The following NKAIN2 variants were observed in gnomAD, a reference collection of about 807,000 sequenced individuals.
NKAIN2 encodes sodium/potassium transporting ATPase interacting 2.
In NKAIN2, 14 loss-of-function variants were observed where a neutral mutation model predicts 32.6. The observed-to-expected ratio is 0.43, with a 90% CI of 0.28 to 0.67. The LOEUF (loss-of-function observed/expected upper bound fraction) is 0.67. Among genes scored for constraint, NKAIN2 ranks in the 30% least tolerant of loss-of-function variants. The pLI is 0.17. For synonymous variants in NKAIN2, 80 were observed against 87.2 expected (o/e 0.92, Z 0.46); for missense variants, 198 against 258.3 (o/e 0.77, Z 1.60).
At chr6:124,169,423 T>G (rs1341190371) in intron 1 of NKAIN2, among the ~76,000 whole-genome samples, 1 of 152,192 alleles carries the variant, frequency 6.6e-6, no homozygotes, top group Non-Finnish European at 1.5e-5. Context: ...CAGTGGGATT[T>G]GCTACAGTTT....
intron 1 of NKAIN2, among the ~76,000 whole-genome samples, chr6:124,033,053 T>G (rs574443823): frequency 5.3e-5 from 8 of 152,234 alleles, no homozygotes; most frequent in Admixed American, 4.6e-4. Flanking sequence ...CTTTTTAATA[T>G]AAAATGCTGA....
At chr6:124,424,053 G>T (rs560219600) in intron 3 of NKAIN2, among the ~76,000 whole-genome samples, 3 of 152,066 alleles carry the variant, frequency 2.0e-5, no homozygotes, top group Non-Finnish European at 4.4e-5. Context: ...GAGTTCAGTG[G>T]CGCATTCTCG....
chr6:124,458,689 TA>T (rs1349443043), intron 3 of NKAIN2, among the ~76,000 whole-genome samples: 2 of 151,880 alleles, frequency 1.3e-5, no homozygotes, highest in Non-Finnish European at 2.9e-5. Context: ...AGGACTGTAT[TA>T]TTTTGAGGCG....
chr6:123,881,654 T>C (rs1179508741), intron 1 of NKAIN2, among the ~76,000 whole-genome samples: 2 of 152,196 alleles, frequency 1.3e-5, no homozygotes, highest in Non-Finnish European at 2.9e-5. Flanking sequence ...TGTTTTCTAT[T>C]TGTGGATTTC....
intron 1 of NKAIN2, among the ~76,000 whole-genome samples, chr6:123,910,239 G>A (rs1775102713): frequency 6.6e-6 from 1 of 152,112 alleles, no homozygotes; most frequent in Non-Finnish European, 1.5e-5. Flanking sequence ...GTGGGGTGGG[G>A]TGTGAACTAT....
At chr6:123,890,362 G>A (rs1352135467) in intron 1 of NKAIN2, among the ~76,000 whole-genome samples, 2 of 151,692 alleles carry the variant, frequency 1.3e-5, no homozygotes, top group Non-Finnish European at 2.9e-5. Context: ...GAGGTGGAAG[G>A]AAAAAAGGAC....
chr6:124,060,061 A>T (rs982017656), intron 1 of NKAIN2, among the ~76,000 whole-genome samples: 169 of 152,192 alleles, frequency 1.1e-3, no homozygotes, highest in African/African-American at 3.9e-3. Flanking sequence ...TTTAAACTGT[A>T]TTTCTTTGTA....
At chr6:124,127,056 CATATAT>C (rs1192371922) in intron 1 of NKAIN2, among the ~76,000 whole-genome samples, 1 of 151,528 alleles carries the variant, frequency 6.6e-6, no homozygotes, top group African/African-American at 2.4e-5. Context: ...TAGAATAATA[CATATAT>C]ATATAGAGAG....
intron 1 of NKAIN2, among the ~76,000 whole-genome samples, chr6:123,816,770 G>A (rs1463830614): frequency 4.6e-5 from 7 of 152,062 alleles, no homozygotes. Flanking sequence ...AGAGGTGAGA[G>A]GTAAGGTGGT....
chr6:124,600,588 GGAATCCATGGGTAGCAGCAAAGA>G (rs1240782769), intron 3 of NKAIN2, among the ~76,000 whole-genome samples: 1 of 151,888 alleles, frequency 6.6e-6, no homozygotes, highest in Non-Finnish European at 1.5e-5. Flanking sequence ...CAGTATTGGA[GGAATCCATGGGTAGCAGCAAAGA>G]GAATCCAAAG....
Position 124,778,650 on chromosome 6 carries a change from A to T in NKAIN2, c.475-12689A>T, listed in dbSNP as rs554130012. The stretch of plus-strand genomic sequence containing the variant: ...ATTTACTAATAAAGATAGGTAAATA[A>T]CTCTTAAAGAACTTTTAAAATTTGA... On this transcript the variant is annotated intron_variant, in intron 4 of 6. Transcript: ENST00000368417. Among the ~76,000 whole-genome samples, 7 of 152,164 alleles carry T rather than the reference A, an allele frequency of 4.6e-5. No individual in the cohort carries two copies. The East Asian group carries it at 1.4e-3, about 29-fold the overall frequency.
intron 1 of NKAIN2, among the ~76,000 whole-genome samples, chr6:123,851,244 A>ATTTTTCTTTTTT (rs1775331536): frequency 1.1e-5 from 1 of 88,196 alleles, no homozygotes; most frequent in African/African-American, 4.8e-5. Context: ...TGGTGGTTCT[A>ATTTTTCTTTTTT]TTTTTTTTTT....
intron 3 of NKAIN2, among the ~76,000 whole-genome samples, chr6:124,369,251 G>T (rs574652381): frequency 2.6e-4 from 40 of 152,218 alleles, no homozygotes; most frequent in Middle Eastern, 3.4e-3. Context: ...ACCTGTGCTT[G>T]TATAGGTTTA....
chr6:124,731,382 A>T (rs531887695), intron 4 of NKAIN2, among the ~76,000 whole-genome samples: 7 of 151,968 alleles, frequency 4.6e-5, no homozygotes, highest in Middle Eastern at 3.4e-3. Context: ...TGCAGCCATA[A>T]AAAATGATGA....
intron 1 of NKAIN2, among the ~76,000 whole-genome samples, chr6:124,099,107 G>T (rs1004700104): frequency 2.6e-5 from 4 of 151,970 alleles, no homozygotes; most frequent in Admixed American, 2.6e-4. Flanking sequence ...AAAAGCTAGA[G>T]GCATAAATAT....
chr6:123,988,150 A>G (rs1779230925), intron 1 of NKAIN2, among the ~76,000 whole-genome samples: 1 of 152,202 alleles, frequency 6.6e-6, no homozygotes, highest in African/African-American at 2.4e-5. Context: ...TACAGGAAAT[A>G]TAGAAAAAAA....
chr6:124,512,756 C>A (rs535358045), intron 3 of NKAIN2, among the ~76,000 whole-genome samples: 1 of 152,178 alleles, frequency 6.6e-6, no homozygotes, highest in Admixed American at 6.5e-5. Context: ...TAGAGGAAAT[C>A]TTTGGGAGAA....
intron 3 of NKAIN2, among the ~76,000 whole-genome samples, chr6:124,471,569 A>G (rs1460922300): frequency 6.6e-6 from 1 of 152,158 alleles, no homozygotes; most frequent in Non-Finnish European, 1.5e-5. Flanking sequence ...TTATTAAAAT[A>G]TTTGGAAAAT....
chr6:124,346,178 A>G (rs1172508866), intron 2 of NKAIN2, among the ~76,000 whole-genome samples: 1 of 152,054 alleles, frequency 6.6e-6, no homozygotes, highest in African/African-American at 2.4e-5. Flanking sequence ...TTCTAGTTTG[A>G]TTGCACTGTG....
Sources: allele counts gnomAD v4.1 joint callset (sites outside exome capture counted in the v4.1 genomes callset), GRCh38; gene constraint gnomAD v4.1.1; transcripts MANE v1.5; gene names NCBI Gene and HGNC (gene_info 2026-07-23, HGNC 2026-07-21).